LGSN: variants seen among roughly 807,000 people sequenced by gnomAD.
LGSN encodes lengsin.
A neutral mutation model predicts 19.5 loss-of-function variants in LGSN; 21 were observed. The observed-to-expected ratio is 1.07, with a 90% CI of 0.76 to 1.55. The LOEUF (loss-of-function observed/expected upper bound fraction) is 1.55. Among genes scored for constraint, LGSN ranks in the 40% most tolerant of loss-of-function variants. The pLI is 0.00. For synonymous variants in LGSN, 257 were observed against 215.6 expected (o/e 1.19, Z -1.68); for missense variants, 673 against 608.5 (o/e 1.11, Z -1.12).
At chr6:63,559,025 C>T in the LGSN span, among the ~76,000 whole-genome samples, 2 of 152,206 alleles carry the variant, frequency 1.3e-5, no homozygotes, top group Admixed American at 1.3e-4. Flanking sequence ...GATGGCTTGA[C>T]TGTATGGAGG....
chr6:63,306,034 TC>T (rs1308378553), intron 1 of LGSN, among the ~76,000 whole-genome samples: 4 of 151,812 alleles, frequency 2.6e-5, no homozygotes, highest in African/African-American at 9.7e-5. Flanking sequence ...ACCACTGCAC[TC>T]CAGCCTGGGC....
chr6:63,436,995 C>A, the LGSN span, among the ~76,000 whole-genome samples: 2 of 150,094 alleles, frequency 1.3e-5, no homozygotes, highest in Middle Eastern at 6.9e-3. Flanking sequence ...CAAGATCACA[C>A]CACTGCACTC....
At chr6:63,370,923 C>T in the LGSN span, among the ~76,000 whole-genome samples, 5 of 152,130 alleles carry the variant, frequency 3.3e-5, no homozygotes, top group Non-Finnish European at 5.9e-5. Flanking sequence ...CACTTCACAC[C>T]GGGCCCTGCA....
At chr6:63,326,821 A>G in the LGSN span, among the ~76,000 whole-genome samples, 450 of 151,482 alleles carry the variant, frequency 3.0e-3, 3 homozygotes, top group African/African-American at 0.01. Flanking sequence ...CCCCAGTTCC[A>G]ACTCACGCCT....
the LGSN span, among the ~76,000 whole-genome samples, chr6:63,480,751 A>C: frequency 6.6e-6 from 1 of 151,714 alleles, no homozygotes; most frequent in Non-Finnish European, 1.5e-5. Flanking sequence ...AAAGAACTGA[A>C]AGTAAATTTA....
the LGSN span, among the ~76,000 whole-genome samples, chr6:63,358,185 G>A: frequency 6.6e-6 from 1 of 152,128 alleles, no homozygotes. Flanking sequence ...CTGTTCCATT[G>A]GTCCATATCT....
the LGSN span, among the ~76,000 whole-genome samples, chr6:63,560,526 C>A: frequency 1.3e-5 from 2 of 151,498 alleles, no homozygotes; most frequent in Non-Finnish European, 2.9e-5. Context: ...CCTCAGCCAC[C>A]CTAGCTGGCA....
the LGSN span, among the ~76,000 whole-genome samples, chr6:63,442,913 G>A: frequency 6.6e-6 from 1 of 152,194 alleles, no homozygotes. Context: ...TGGATCCCAC[G>A]CCAGGACCAC....
At chr6:63,292,483 G>A (rs1263545407) in intron 2 of LGSN, among the ~76,000 whole-genome samples, 1 of 152,100 alleles carries the variant, frequency 6.6e-6, no homozygotes, top group Non-Finnish European at 1.5e-5. Flanking sequence ...GGGGTTCTAG[G>A]CCACGCCAGA....
the LGSN span, among the ~76,000 whole-genome samples, chr6:63,449,959 AAGC>A: frequency 1.3e-5 from 2 of 152,172 alleles, no homozygotes; most frequent in African/African-American, 4.8e-5. Flanking sequence ...AGACATGGAG[AAGC>A]ATGTATCTGA....
chr6:63,442,820 T>C, the LGSN span, among the ~76,000 whole-genome samples: 1,510 of 152,304 alleles, frequency 9.9e-3, 49 homozygotes, highest in East Asian at 0.02. Flanking sequence ...AGAGTGCTGA[T>C]TGGTGCATAT....
chr6:63,482,774 C>T, the LGSN span, among the ~76,000 whole-genome samples: 2 of 152,152 alleles, frequency 1.3e-5, no homozygotes, highest in African/African-American at 4.8e-5. Context: ...TATCTTGGCT[C>T]GCTGCAACCT....
At chr6:63,348,090 C>A in the LGSN span, among the ~76,000 whole-genome samples, 1 of 152,152 alleles carries the variant, frequency 6.6e-6, no homozygotes. Flanking sequence ...ATAAGCTAGT[C>A]ATTCAATATT....
the LGSN span, among the ~76,000 whole-genome samples, chr6:63,475,224 C>G: frequency 7.9e-5 from 12 of 151,440 alleles, no homozygotes; most frequent in African/African-American, 2.9e-4. Flanking sequence ...TTCATAGTCC[C>G]CATACCCTAA....
the LGSN span, among the ~76,000 whole-genome samples, chr6:63,466,792 T>C: frequency 6.6e-6 from 1 of 151,958 alleles, no homozygotes; most frequent in Admixed American, 6.6e-5. Flanking sequence ...AAGAGTAGAA[T>C]AGGAGAGAAG....
the LGSN span, among the ~76,000 whole-genome samples, chr6:63,550,018 GATCTA>G: frequency 6.6e-6 from 1 of 152,100 alleles, no homozygotes; most frequent in Non-Finnish European, 1.5e-5. Context: ...TAATTACTCT[GATCTA>G]ATTAATCACT....
chr6:63,532,979 T>G, the LGSN span, among the ~76,000 whole-genome samples: 7 of 152,204 alleles, frequency 4.6e-5, no homozygotes, highest in Non-Finnish European at 8.8e-5. Context: ...AAGGAGGGGT[T>G]AGTCACAGAA....
the LGSN span, among the ~76,000 whole-genome samples, chr6:63,479,474 T>A: frequency 2.5e-4 from 38 of 151,816 alleles, no homozygotes; most frequent in African/African-American, 9.2e-4. Context: ...GCTCAGTGGG[T>A]CACGCCTATA....
the LGSN span, among the ~76,000 whole-genome samples, chr6:63,557,024 G>C: frequency 1.2e-4 from 19 of 152,150 alleles, no homozygotes; most frequent in African/African-American, 4.6e-4. Flanking sequence ...AACAATTATA[G>C]CATGAAATAT....
Sources: gnomAD v4.1 joint callset for allele counts (sites outside exome capture counted in the v4.1 genomes callset) on GRCh38, gnomAD v4.1.1 for gene constraint, MANE v1.5 for transcripts, NCBI Gene and HGNC (gene_info 2026-07-23, HGNC 2026-07-21) for gene names.